CEP120: variants seen among roughly 807,000 people sequenced by gnomAD.
CEP120 encodes the protein centrosomal protein of 120 kDa.
CEP120 carries 113 observed loss-of-function variants against 126.5 expected under a neutral mutation model. The observed-to-expected ratio is 0.89, with a 90% confidence interval of 0.77 to 1.04. CEP120 has a LOEUF of 1.04. CEP120 is among the 50% of genes least tolerant of loss of function. CEP120 has a pLI of 0.00. For missense variants in CEP120, 1,230 were observed against 1,155.7 expected, an observed-to-expected ratio of 1.06 and a Z score of -0.93; for synonymous variants, 400 against 394.3, an observed-to-expected ratio of 1.01 and a Z score of -0.17.
intron 16 of CEP120, among the ~76,000 whole-genome samples, chr5:123,373,544 G>A (rs1770999510): frequency 6.6e-6 from 1 of 152,064 alleles, no homozygotes; most frequent in Admixed American, 6.6e-5. Flanking sequence ...TGACAAGTTT[G>A]CAGACTTTTA....
At position 123,391,426 on chromosome 5, in the gene CEP120, T is replaced by G. The variant is rs567068602; in HGVS notation, c.811-89A>C. 143 of 1,023,574 alleles carry G rather than the reference T, an allele frequency of 1.4e-4. 2 individuals carry two copies. The South Asian group carries it at 2.1e-3, about 15-fold the overall frequency. The allele number at this position is 1,023,574 out of a possible 1,614,324, so 63.4% of individuals were successfully genotyped here. ...AACTTAATAAGAAGTTGTAAAATGATGCATGGAAAGAAAATATTATGCAGG... is the reference window on the plus strand; with the variant it reads ...AACTTAATAAGAAGTTGTAAAATGAGGCATGGAAAGAAAATATTATGCAGG... On this transcript the variant is annotated intron_variant, in intron 6 of 19. Transcript: ENST00000306467.
intron 18 of CEP120, among the ~76,000 whole-genome samples, chr5:123,357,097 C>A (rs921500114): frequency 1.3e-5 from 2 of 152,030 alleles, no homozygotes; most frequent in Admixed American, 6.6e-5. Flanking sequence ...TTTAGGGATG[C>A]TATTTTACTG....
intron 11 of CEP120, 112 bp from the exon 12 acceptor site, chr5:123,383,194 A>G: frequency 1.6e-6 from 1 of 630,154 alleles, no homozygotes; most frequent in Non-Finnish European, 2.7e-6. Context: ...TTCTGCTCCT[A>G]ACTCTATTGT....
At chr5:123,389,815 A>T in intron 8 of CEP120, 109 bp downstream of exon 8, 1 of 1,008,876 alleles carries the variant, frequency 9.9e-7, no homozygotes, top group Non-Finnish European at 1.5e-6. Context: ...GGTTCTTAAC[A>T]AACCCACAAT....
chr5:123,397,790 GAAAGTA>G (rs1424398304), intron 5 of CEP120, among the ~76,000 whole-genome samples: 2 of 152,182 alleles, frequency 1.3e-5, no homozygotes, highest in African/African-American at 4.8e-5. Context: ...GTTCCTCTAA[GAAAGTA>G]AATAAGGCCG....
chr5:123,356,680 T>G (rs182760042), intron 18 of CEP120, among the ~76,000 whole-genome samples: 1 of 152,230 alleles, frequency 6.6e-6, no homozygotes, highest in East Asian at 1.9e-4. Flanking sequence ...TTTAGAAATA[T>G]GTATCCCTCA....
At chr5:123,412,323 T>G (rs1322731327) in intron 4 of CEP120, 76 bp downstream of exon 4, 8 of 1,455,718 alleles carry the variant, frequency 5.5e-6, no homozygotes, top group South Asian at 4.3e-5. Context: ...TATGTCCCTA[T>G]AACACTCCCG....
chr5:123,419,558 A>AAG (rs1554106713), intron 1 of CEP120, among the ~76,000 whole-genome samples: 3 of 150,540 alleles, frequency 2.0e-5, no homozygotes, highest in African/African-American at 4.9e-5. Flanking sequence ...AAAAACAAAA[A>AAG]AAAAAAAACA....
chr5:123,413,272 C>CA (rs1206716186), intron 3 of CEP120, among the ~76,000 whole-genome samples: 41 of 135,372 alleles, frequency 3.0e-4, no homozygotes, highest in Middle Eastern at 3.8e-3. Context: ...AGCCCTGTCG[C>CA]AAAAAAAAAT....
chr5:123,389,962 C>T lies in CEP120; in HGVS notation c.1217G>A (p.Ser406Asn), dbSNP rs2127068113. Residue 406 changes from serine (S) to asparagine (N), a missense_variant, in exon 8 of 20, where the codon AGT (serine) becomes AAT (asparagine). Coordinates refer to ENST00000306467, the MANE Select transcript of CEP120 (RefSeq NM_001375405.1). ...TTTGGTGTCCTTATCATACTGTAAA[C>T]TTTCCACTTCACTTTCTGTTGCATC... ...KDDATESEVE[S>N]LQYDKDTKPN... The T allele has an allele frequency of 6.2e-7, 1 of 1,614,156 alleles. No individual in the cohort carries two copies. The highest frequency in any genetic ancestry group is 2.2e-5 in the East Asian group (1 of 44,880).
At chr5:123,398,138 C>T (rs1441173430) in intron 5 of CEP120, among the ~76,000 whole-genome samples, 1 of 152,012 alleles carries the variant, frequency 6.6e-6, no homozygotes, top group Non-Finnish European at 1.5e-5. Flanking sequence ...AGTTATAAAC[C>T]ATATTATCTA....
chr5:123,407,119 A>AC (rs1304737386), intron 4 of CEP120, among the ~76,000 whole-genome samples: 1 of 151,172 alleles, frequency 6.6e-6, no homozygotes, highest in East Asian at 1.9e-4. Context: ...AAAAAAAAAA[A>AC]CAAAAAACAA....
intron 3 of CEP120, among the ~76,000 whole-genome samples, chr5:123,414,220 G>A (rs1161858554): frequency 6.6e-6 from 1 of 152,140 alleles, no homozygotes; most frequent in African/African-American, 2.4e-5. Flanking sequence ...CTAGACACTT[G>A]CACGCTACAT....
chr5:123,409,739 C>A (rs2127120175), intron 4 of CEP120, among the ~76,000 whole-genome samples: 1 of 152,242 alleles, frequency 6.6e-6, no homozygotes, highest in East Asian at 1.9e-4. Flanking sequence ...AGGCGGATCA[C>A]CTGAGGTCAG....
At chr5:123,382,467 T>C (rs1041921898) in intron 13 of CEP120, among the ~76,000 whole-genome samples, 1 of 152,086 alleles carries the variant, frequency 6.6e-6, no homozygotes, top group Non-Finnish European at 1.5e-5. Context: ...CAGGAGGGCA[T>C]GCCAAATGAG....
At chr5:123,386,980 G>T (rs1274063441) in intron 9 of CEP120, among the ~76,000 whole-genome samples, 2 of 151,966 alleles carry the variant, frequency 1.3e-5, no homozygotes, top group Non-Finnish European at 2.9e-5. Flanking sequence ...TTTTTTATGG[G>T]ATAAAAAGCC....
rs371950460 is a variant in CEP120 at position 123,388,624 on chromosome 5, T to C, written c.1256-18A>G. On this transcript the variant is annotated intron_variant, in intron 8 of 19. Coordinates refer to ENST00000306467, the MANE Select transcript of CEP120 (RefSeq NM_001375405.1). ...AGAACTGGCTGAAATGAACATAAAA[T>C]AAAACAAAATAATCACACTTGCTAA... is the stretch of plus-strand genomic sequence containing the variant. 4.9e-4 allele frequency: 736 copies of C among 1,516,598 alleles called. 4 individuals are homozygous for C. In the African/African-American group the frequency reaches 9.1e-3, roughly 19 times the overall value. The allele number at this position is 1,516,598 out of a possible 1,614,324, so 93.9% of individuals were successfully genotyped here. A position where few individuals can be genotyped will look rare whatever the true frequency, so the allele number is the denominator to read the frequency against.
chr5:123,408,819 G>T (rs1458815094), intron 4 of CEP120, among the ~76,000 whole-genome samples: 3 of 152,042 alleles, frequency 2.0e-5, no homozygotes, highest in Non-Finnish European at 4.4e-5. Context: ...ATAAAGAAAA[G>T]AAAACAAACA....
intron 6 of CEP120, among the ~76,000 whole-genome samples, chr5:123,391,681 CAAAG>C (rs1019987015): frequency 1.2e-4 from 19 of 152,046 alleles, no homozygotes; most frequent in African/African-American, 4.1e-4. Context: ...ACAAAAAAAA[CAAAG>C]AAATACCTCA....
Sources: gnomAD v4.1 joint callset for allele counts (sites outside exome capture counted in the v4.1 genomes callset) on GRCh38, gnomAD v4.1.1 for gene constraint, MANE v1.5 for transcripts, NCBI Gene and HGNC (gene_info 2026-07-23, HGNC 2026-07-21) for gene names.